SEMA5A: variants seen among roughly 807,000 people sequenced by gnomAD.
SEMA5A encodes semaphorin-5A.
A neutral mutation model predicts 135.5 loss-of-function variants in SEMA5A; 55 were observed. That is an observed-to-expected ratio of 0.41 (90% CI 0.33 to 0.51). The LOEUF is 0.51. Ranked by LOEUF, SEMA5A falls within the 20% of genes least tolerant of loss-of-function variation. The pLI is 0.37. For missense variants in SEMA5A, 1,290 were observed against 1,419.9 expected (o/e 0.91, Z 1.47); for synonymous variants, 580 against 546.5 (o/e 1.06, Z -0.85).
chr5:9,450,767 A>C (rs886845603), intron 1 of SEMA5A, among the ~76,000 whole-genome samples: 4 of 152,226 alleles, frequency 2.6e-5, no homozygotes, highest in Non-Finnish European at 5.9e-5. Context: ...AAAAAAAAAA[A>C]AAAGAAACGG....
chr5:9,404,061 A>G (rs1756779330), intron 2 of SEMA5A, among the ~76,000 whole-genome samples: 1 of 152,152 alleles, frequency 6.6e-6, no homozygotes, highest in Admixed American at 6.6e-5. Context: ...CAGTCTCCCC[A>G]GTAGCGGGGA....
At chr5:9,458,780 A>C (rs753989862) in intron 1 of SEMA5A, among the ~76,000 whole-genome samples, 1 of 152,222 alleles carries the variant, frequency 6.6e-6, no homozygotes, top group African/African-American at 2.4e-5. Flanking sequence ...ATGAGCATCA[A>C]TTTGGGAGGA....
At chr5:9,243,532 G>A (rs1172987663) in intron 5 of SEMA5A, among the ~76,000 whole-genome samples, 5 of 152,116 alleles carry the variant, frequency 3.3e-5, no homozygotes, top group Non-Finnish European at 5.9e-5. Context: ...CATGGCATAA[G>A]AGATTTGGAG....
At chr5:9,506,168 A>C (rs1735870092) in intron 1 of SEMA5A, among the ~76,000 whole-genome samples, 1 of 152,208 alleles carries the variant, frequency 6.6e-6, no homozygotes, top group African/African-American at 2.4e-5. Flanking sequence ...TTAGTTGCAA[A>C]AGTTTTAATT....
chr5:9,521,013 C>T (rs1736796479), intron 1 of SEMA5A, among the ~76,000 whole-genome samples: 1 of 152,224 alleles, frequency 6.6e-6, no homozygotes, highest in Admixed American at 6.5e-5. Context: ...GGCCAATGTA[C>T]ACACAAGTGC....
intron 1 of SEMA5A, among the ~76,000 whole-genome samples, chr5:9,441,444 G>T (rs1370004784): frequency 6.6e-6 from 1 of 152,140 alleles, no homozygotes; most frequent in East Asian, 1.9e-4. Context: ...ATTTACGCCA[G>T]CACCATGGTG....
intron 10 of SEMA5A, among the ~76,000 whole-genome samples, chr5:9,192,884 A>G (rs542111382): frequency 2.0e-5 from 3 of 152,036 alleles, no homozygotes; most frequent in African/African-American, 7.2e-5. Flanking sequence ...AAAAATTGGT[A>G]TCTTGAAAAC....
intron 1 of SEMA5A, among the ~76,000 whole-genome samples, chr5:9,456,019 C>A (rs1758820794): frequency 6.6e-6 from 1 of 152,180 alleles, no homozygotes. Context: ...CAGGACAATC[C>A]AGAGGAGGTG....
intron 2 of SEMA5A, among the ~76,000 whole-genome samples, chr5:9,409,862 T>C (rs112526402): frequency 9.5e-6 from 1 of 105,684 alleles, no homozygotes; most frequent in Non-Finnish European, 1.9e-5. Flanking sequence ...TTTGGAAAAC[T>C]CTGTGGTTTT....
intron 1 of SEMA5A, among the ~76,000 whole-genome samples, chr5:9,475,727 A>G (rs1431653993): frequency 1.3e-5 from 2 of 152,188 alleles, no homozygotes; most frequent in Admixed American, 1.3e-4. Context: ...AAGCTACTCT[A>G]TAGCAGGAAA....
chr5:9,294,437 C>T (rs1751233950), intron 5 of SEMA5A, among the ~76,000 whole-genome samples: 1 of 152,184 alleles, frequency 6.6e-6, no homozygotes, highest in African/African-American at 2.4e-5. Context: ...GAGATGGATG[C>T]TAAAACCCTG....
intron 3 of SEMA5A, among the ~76,000 whole-genome samples, chr5:9,357,570 G>A (rs1188437967): frequency 6.6e-6 from 1 of 152,174 alleles, no homozygotes; most frequent in Non-Finnish European, 1.5e-5. Flanking sequence ...CCAGGGAGAG[G>A]AGATCCTGAC....
chr5:9,093,078 T>G (rs757969102), intron 16 of SEMA5A, among the ~76,000 whole-genome samples: 8 of 152,148 alleles, frequency 5.3e-5, no homozygotes, highest in Non-Finnish European at 1.0e-4. Context: ...TGAAGAAACA[T>G]TAAACTTAAA....
chr5:9,462,126 T>G (rs1237626383), intron 1 of SEMA5A, among the ~76,000 whole-genome samples: 1 of 152,140 alleles, frequency 6.6e-6, no homozygotes. Context: ...ATCCCAAACC[T>G]AAACAAAATG....
In SEMA5A at chr5:9,040,991, G is replaced by A. The variant is rs575841075; in HGVS notation, c.*1906C>T. 8 of 152,318 alleles carry A rather than the reference G, an allele frequency of 5.3e-5. No homozygotes were observed. The highest frequency in any genetic ancestry group is 1.9e-4 in the African/African-American group (8 of 41,572). The allele number at this position is 152,318 out of a possible 1,614,324, so 9.4% of individuals were successfully genotyped here. A position where few individuals can be genotyped will look rare whatever the true frequency, so the allele number is the denominator to read the frequency against. ...ACCATCCGGCTAGATTTCCCCTACT[G>A]AGTATGGACTTTGAGCATGTGCATA... On this transcript the variant is annotated 3_prime_UTR_variant, in exon 23 of 23. Coordinates refer to ENST00000382496, the MANE Select transcript of SEMA5A (RefSeq NM_003966.3).
rs1261000038 is a variant in SEMA5A, at chr5:9,041,941, AT to A, written c.*955del. 6.6e-6 allele frequency: 1 copy of A among 152,662 alleles called. No individual in the cohort carries two copies. Among genetic ancestry groups the A allele is most frequent in the Non-Finnish European group, 1.5e-5 (1 of 68,040 alleles). 9.5% of individuals were successfully genotyped at this position (152,662 alleles called of 1,614,324 possible). ...ACATAAAAAGTTGCTTTTAGTTATA[AT>A]TTAGTATTTTCAATACTTTCACTAA... On this transcript the variant is annotated 3_prime_UTR_variant, in exon 23 of 23. Coordinates refer to ENST00000382496, the MANE Select transcript of SEMA5A (RefSeq NM_003966.3).
intron 1 of SEMA5A, among the ~76,000 whole-genome samples, chr5:9,529,400 C>T (rs960653817): frequency 1.3e-5 from 2 of 152,264 alleles, no homozygotes; most frequent in Admixed American, 6.5e-5. Flanking sequence ...AAGCCAAGAG[C>T]GTGACCTGCC....
At chr5:9,280,551 G>T (rs1750488903) in intron 5 of SEMA5A, among the ~76,000 whole-genome samples, 1 of 152,124 alleles carries the variant, frequency 6.6e-6, no homozygotes. Flanking sequence ...CTCTCACTTG[G>T]CCAGCCTCAA....
chr5:9,410,057 A>G (rs1406919357), intron 2 of SEMA5A, among the ~76,000 whole-genome samples: 1 of 152,198 alleles, frequency 6.6e-6, no homozygotes, highest in Non-Finnish European at 1.5e-5. Flanking sequence ...CTGTTTTACC[A>G]TGAGAATTTC....
Sources: allele counts gnomAD v4.1 joint callset (sites outside exome capture counted in the v4.1 genomes callset), GRCh38; gene constraint gnomAD v4.1.1; transcripts MANE v1.5; gene names NCBI Gene and HGNC (gene_info 2026-07-23, HGNC 2026-07-21).